Variants in SLC18A1 observed in about 807,000 individuals in gnomAD.
SLC18A1 encodes solute carrier family 18 member A1.
SLC18A1 carries 69 observed loss-of-function variants against 53.7 expected under a neutral mutation model. The observed-to-expected ratio is 1.28, with a 90% CI of 1.06 to 1.57. The LOEUF (loss-of-function observed/expected upper bound fraction) is 1.57, where lower values mean the gene tolerates loss of function less well. Among genes scored for constraint, SLC18A1 ranks in the 40% most tolerant of loss-of-function variants. The probability of loss-of-function intolerance (pLI) is 0.00; values close to 1 mark genes in which losing one functional copy is unlikely to be tolerated. For missense variants in SLC18A1, 932 were observed against 668.1 expected (o/e 1.40, Z -4.35); for synonymous variants, 320 against 248.1 (o/e 1.29, Z -2.72).
At chr8:20,165,156 T>A (rs1456809458) in intron 8 of SLC18A1, 49 bp from the exon 9 acceptor site, 9 of 1,469,042 alleles carry the variant, frequency 6.1e-6, no homozygotes, top group Non-Finnish European at 8.6e-6. Flanking sequence ...TGCATACATC[T>A]CTCCTATTTT....
intron 15 of SLC18A1, among the ~76,000 whole-genome samples, chr8:20,147,014 C>A (rs947618136): frequency 2.0e-5 from 3 of 152,112 alleles, no homozygotes; most frequent in Admixed American, 2.0e-4. Flanking sequence ...CCCCATTTCC[C>A]TTCTCTACTG....
At chr8:20,147,535 C>T in intron 14 of SLC18A1, 68 bp downstream of exon 14, 14 of 1,603,670 alleles carry the variant, frequency 8.7e-6, no homozygotes, top group Non-Finnish European at 1.2e-5. Flanking sequence ...AGGATAGCTT[C>T]CTGGCTGCAC....
intron 10 of SLC18A1, among the ~76,000 whole-genome samples, chr8:20,151,858 G>T (rs1026675866): frequency 6.6e-6 from 1 of 152,190 alleles, no homozygotes. Context: ...GTATTCTGGG[G>T]GCTGGGAATA....
rs2128881252 is a variant in SLC18A1, at chr8:20,180,957, CGGAGCATGGTGATGG to C, written c.-8_7del. 6.4e-7 allele frequency: 1 copy of C among 1,572,140 alleles called. No homozygotes were observed. Among genetic ancestry groups the C allele is most frequent in the East Asian group, 2.4e-5 (1 of 41,942 alleles). Reference sequence around the variant, plus strand: ...CCGCTGGGGAGCATCCAGAATGGTCCGGAGCATGGTGATGGCCGGACTGGGGCAGTCTTCCCCTGC... The same window carrying C: ...CCGCTGGGGAGCATCCAGAATGGTCCCCGGACTGGGGCAGTCTTCCCCTGC... On this transcript the variant is annotated start_lost and 5_prime_UTR_variant, in exon 2 of 16. Transcript: ENST00000276373.
rs967049477 is a variant in SLC18A1 at position 20,145,818 on chromosome 8, G to C, written c.1523C>G (p.Thr508Arg). Residue 508 changes from threonine to arginine, a missense_variant, in exon 16 of 16, where the codon ACG becomes AGG. Physicochemically the swap from Thr to Arg is moderately conservative, Grantham distance 71 (BLOSUM62 -1). Transcript: ENST00000276373. Reference sequence around the variant, plus strand: ...GTCCTCCCCCAGAGGAAATTCCTTCGTGGGCTTCTGGGTTGCATACATCCG... The same window carrying C: ...GTCCTCCCCCAGAGGAAATTCCTTCCTGGGCTTCTGGGTTGCATACATCCG... ...ETRMYATQKP[T>R]KEFPLGEDSD... 6.2e-7 allele frequency: 1 copy of C among 1,612,254 alleles called. No homozygotes were observed. The highest frequency in any genetic ancestry group is 8.5e-7 in the Non-Finnish European group (1 of 1,179,214).
At chr8:20,150,435 A>G (rs922742166) in intron 11 of SLC18A1, among the ~76,000 whole-genome samples, 4 of 152,170 alleles carry the variant, frequency 2.6e-5, no homozygotes, top group African/African-American at 4.8e-5. Context: ...GGTGCCCCTC[A>G]TGTATCCACT....
chr8:20,149,524 C>T, intron 12 of SLC18A1, 152 bp downstream of exon 12: 1 of 638,250 alleles, frequency 1.6e-6, no homozygotes, highest in Middle Eastern at 4.1e-4. Context: ...CCTTGCCAAG[C>T]CATCTCTGCT....
In SLC18A1 at chr8:20,148,112, G is replaced by C. The variant is rs199634263; in HGVS notation, c.1147-42C>G. 1.6e-5 allele frequency: 26 copies of C among 1,578,556 alleles called. 1 individual carries two copies. The East Asian group carries it at 4.0e-4, about 24-fold the overall frequency. The stretch of plus-strand genomic sequence containing the variant: ...GAAGAGTCATCAGGACTCCAGATGG[G>C]TCAGGTGGGAGCAAGGTTCAAAGAG... On this transcript the variant is annotated intron_variant, in intron 12 of 15. Transcript: ENST00000276373.
At chr8:20,166,672 A>C (rs1317053852) in intron 8 of SLC18A1, among the ~76,000 whole-genome samples, 1 of 151,366 alleles carries the variant, frequency 6.6e-6, no homozygotes, top group East Asian at 1.9e-4. Context: ...CTATATATTA[A>C]AAAAATAAAT....
intron 1 of SLC18A1, among the ~76,000 whole-genome samples, chr8:20,182,117 A>T (rs1170601925): frequency 6.6e-6 from 1 of 152,080 alleles, no homozygotes; most frequent in Non-Finnish European, 1.5e-5. Flanking sequence ...CAACAATATC[A>T]CTCATTTAAA....
At chr8:20,159,944 A>G (rs2071781074) in intron 10 of SLC18A1, among the ~76,000 whole-genome samples, 1 of 152,040 alleles carries the variant, frequency 6.6e-6, no homozygotes, top group Non-Finnish European at 1.5e-5. Flanking sequence ...GGTATAAGGA[A>G]CTGTTTGAGA....
chr8:20,179,456 G>C lies in SLC18A1; in HGVS notation c.153C>G (p.Asp51Glu). The C allele has an allele frequency of 6.2e-7, 1 of 1,613,022 alleles. No individual in the cohort carries two copies. The highest frequency in any genetic ancestry group is 8.5e-7 in the Non-Finnish European group (1 of 1,179,568). ...AAGAGTTGACTTCTTTGAACTCCATGTCATATAGGAAGGTGGGCACAATTG... is the reference window on the plus strand; with the variant it reads ...AAGAGTTGACTTCTTTGAACTCCATCTCATATAGGAAGGTGGGCACAATTG... The part of the protein sequence containing the change: ...VVPIVPTFLY[D>E]MEFKEVNSSL... The change falls in exon 3 of 16, where the codon GAC becomes GAG. Residue 51 changes from aspartate (D) to glutamate (E), a missense_variant. By Grantham distance (45) the Asp-to-Glu change is conservative. Coordinates refer to ENST00000276373, the MANE Select transcript of SLC18A1 (RefSeq NM_003053.4).
chr8:20,145,845 G>A lies in SLC18A1; in HGVS notation c.1496C>T (p.Thr499Ile), dbSNP rs116409427. ...AILSQDCPME[T>I]RMYATQKPTK... ...GGGCTTCTGGGTTGCATACATCCGG[G>A]TCTCCATGGGGCAGTCCTGACTCAG... The change falls in exon 16 of 16, where the codon ACC becomes ATC. Residue 499 changes from threonine to isoleucine, a missense_variant. Coordinates refer to ENST00000276373, the MANE Select transcript of SLC18A1 (RefSeq NM_003053.4). The A allele has an allele frequency of 1.2e-4, 201 of 1,611,558 alleles. 1 individual carries two copies. In the African/African-American group the frequency reaches 2.5e-3, roughly 20 times the overall value.
chr8:20,177,220 G>A (rs1008765813), intron 4 of SLC18A1, among the ~76,000 whole-genome samples: 3 of 152,116 alleles, frequency 2.0e-5, no homozygotes, highest in Non-Finnish European at 2.9e-5. Flanking sequence ...CAAACAAGAC[G>A]TAGTTCTCAG....
At position 20,147,937 on chromosome 8, in the gene SLC18A1, G is replaced by T; in HGVS notation, c.1210+70C>A. Reference sequence around the variant, plus strand: ...CACCTACCTCCTCTGATGAGAAAAGGGGGAGGAAAGGCATCAGACCCAAAG... The same window carrying T: ...CACCTACCTCCTCTGATGAGAAAAGTGGGAGGAAAGGCATCAGACCCAAAG... On this transcript the variant is annotated intron_variant, in intron 13 of 15. Transcript: ENST00000276373. 2.0e-6 allele frequency: 3 copies of T among 1,537,466 alleles called. No individual in the cohort carries two copies. The East Asian group carries it at 6.8e-5, about 35-fold the overall frequency.
chr8:20,155,736 T>A (rs892021538), intron 10 of SLC18A1, among the ~76,000 whole-genome samples: 7 of 152,092 alleles, frequency 4.6e-5, no homozygotes, highest in Non-Finnish European at 1.0e-4. Context: ...TTTCACTTCC[T>A]CTCCCAAGTA....
intron 4 of SLC18A1, among the ~76,000 whole-genome samples, chr8:20,176,206 C>G (rs2072247356): frequency 6.6e-6 from 1 of 152,108 alleles, no homozygotes; most frequent in Non-Finnish European, 1.5e-5. Context: ...TGAGTGAGTT[C>G]TCACTCTACA....
rs546388541 is a variant in SLC18A1 at position 20,171,500 on chromosome 8, G to A, written c.725-6C>T. 2 of 1,608,376 alleles carry A rather than the reference G, an allele frequency of 1.2e-6. No individual in the cohort carries two copies. The highest frequency in any genetic ancestry group is 1.7e-5 in the Admixed American group (1 of 60,014). ...ACTTCCAAAGGGAGCTCCCACTGGA[G>A]AGGCATAGGAGACACAGATTCCAGA... On this transcript the variant is annotated splice_polypyrimidine_tract_variant and splice_region_variant and intron_variant, in intron 6 of 15. Transcript: ENST00000276373.
At chr8:20,164,014 AC>A (rs2071892483) in intron 10 of SLC18A1, among the ~76,000 whole-genome samples, 2 of 152,208 alleles carry the variant, frequency 1.3e-5, no homozygotes, top group African/African-American at 4.8e-5. Flanking sequence ...AGCACTTGCA[AC>A]CCATAAAAAT....
Sources: gnomAD v4.1 joint callset for allele counts (sites outside exome capture counted in the v4.1 genomes callset) on GRCh38, gnomAD v4.1.1 for gene constraint, MANE v1.5 for transcripts, NCBI Gene and HGNC (gene_info 2026-07-23, HGNC 2026-07-21) for gene names.